Variants in PRKG1 observed in about 807,000 individuals in gnomAD.
PRKG1 encodes the protein protein kinase cGMP-dependent 1.
PRKG1 carries 35 observed loss-of-function variants against 88.1 expected under a neutral mutation model. The observed-to-expected ratio is 0.40, with a 90% confidence interval of 0.30 to 0.53. PRKG1 has a LOEUF of 0.53. Ranked by LOEUF, PRKG1 falls within the 20% of genes least tolerant of loss-of-function variation. PRKG1 has a pLI of 0.59. For missense variants in PRKG1, 540 were observed against 839.8 expected (o/e 0.64, Z 4.41); for synonymous variants, 303 against 292.5 (o/e 1.04, Z -0.37).
intron 2 of PRKG1, among the ~76,000 whole-genome samples, chr10:51,385,149 C>T (rs974364239): frequency 7.2e-5 from 11 of 152,048 alleles, no homozygotes; most frequent in African/African-American, 2.4e-4. Context: ...CCTTGTGAAA[C>T]GGCTTTGGTT....
chr10:51,110,947 T>C (rs908097144), intron 1 of PRKG1, among the ~76,000 whole-genome samples: 16 of 152,132 alleles, frequency 1.1e-4, no homozygotes, highest in African/African-American at 3.9e-4. Flanking sequence ...ACCCTCTAAC[T>C]GTATTTGAAA....
intron 3 of PRKG1, among the ~76,000 whole-genome samples, chr10:51,533,061 G>T (rs1842056414): frequency 6.6e-6 from 1 of 152,134 alleles, no homozygotes; most frequent in African/African-American, 2.4e-5. Context: ...ACCTCAACCT[G>T]TGAGGCTTTC....
rs61849774 is a variant in PRKG1 at position 51,447,419 on chromosome 10, G to A, written c.479-20304G>A. Among the ~76,000 whole-genome samples, 8 of 152,108 alleles carry A rather than the reference G, an allele frequency of 5.3e-5. 1 individual carries two copies. The highest frequency in any genetic ancestry group is 2.0e-4 in the Admixed American group (3 of 15,242). On this transcript the variant is annotated intron_variant, in intron 2 of 17. Transcript: ENST00000373980. The stretch of plus-strand genomic sequence containing the variant: ...TATTAGCAAGATTTAGCATTCTTGC[G>A]AGTTTAGCTCTGACCAGTCTTCAGT...
At chr10:51,905,937 T>G (rs1842076629) in intron 4 of PRKG1, among the ~76,000 whole-genome samples, 1 of 152,184 alleles carries the variant, frequency 6.6e-6, no homozygotes, top group Non-Finnish European at 1.5e-5. Flanking sequence ...TTTGTGGATT[T>G]TTAATTCTAG....
At chr10:51,500,086 TA>T (rs1840977950) in intron 3 of PRKG1, among the ~76,000 whole-genome samples, 1 of 152,256 alleles carries the variant, frequency 6.6e-6, no homozygotes, top group African/African-American at 2.4e-5. Context: ...ATTCAATATT[TA>T]TTTTTTTATT....
intron 5 of PRKG1, among the ~76,000 whole-genome samples, chr10:51,966,318 G>A (rs947444650): frequency 6.6e-6 from 1 of 152,030 alleles, no homozygotes; most frequent in African/African-American, 2.4e-5. Flanking sequence ...GGAACCTTCT[G>A]AGACACCTAA....
chr10:51,528,981 T>A (rs150091185), intron 3 of PRKG1, among the ~76,000 whole-genome samples: 1 of 152,108 alleles, frequency 6.6e-6, no homozygotes, highest in Non-Finnish European at 1.5e-5. Context: ...GGAATTAACA[T>A]GCAAAGGCAG....
chr10:52,282,349 A>G (rs779661450), intron 14 of PRKG1, 33 bp downstream of exon 14: 2 of 1,548,954 alleles, frequency 1.3e-6, no homozygotes, highest in Non-Finnish European at 1.8e-6. Flanking sequence ...GCTGATAAAA[A>G]TAGACCAGCA....
intron 1 of PRKG1, among the ~76,000 whole-genome samples, chr10:51,122,169 T>C (rs762315974): frequency 5.9e-5 from 9 of 152,212 alleles, no homozygotes; most frequent in Admixed American, 4.6e-4. Flanking sequence ...GCTTTAGCCT[T>C]CTTCGGAAGT....
chr10:52,161,895 T>C lies in PRKG1; in HGVS notation c.1008T>C (p.Phe336=), dbSNP rs56047641. Residue 336 remains phenylalanine (F), a synonymous_variant, in exon 9 of 18, where the codon TTT becomes TTC. Transcript: ENST00000373980. ...VTCLVIDRDS[F]KHLIGGLDDV... ...TGCTTTTTTCGTCTGACAGCTCTTT[T>C]AAACATTTGATTGGAGGGCTGGATG... The C allele has an allele frequency of 0.012, 19,421 of 1,612,610 alleles. 1,135 individuals are homozygous for C. In the African/African-American group the frequency reaches 0.16, roughly 13 times the overall value.
At chr10:51,650,733 T>C (rs983842783) in intron 3 of PRKG1, among the ~76,000 whole-genome samples, 1 of 152,202 alleles carries the variant, frequency 6.6e-6, no homozygotes, top group African/African-American at 2.4e-5. Context: ...CTGTATTGAT[T>C]CCTGTTGTCT....
At chr10:51,916,108 C>A (rs1455072260) in intron 5 of PRKG1, among the ~76,000 whole-genome samples, 1 of 152,036 alleles carries the variant, frequency 6.6e-6, no homozygotes, top group Non-Finnish European at 1.5e-5. Context: ...CCAGAGCAAC[C>A]CCATCTTGAG....
At chr10:51,525,145 A>G (rs1841845126) in intron 3 of PRKG1, among the ~76,000 whole-genome samples, 2 of 151,486 alleles carry the variant, frequency 1.3e-5, no homozygotes, top group Admixed American at 1.3e-4. Flanking sequence ...AGAGAGAGAG[A>G]GAGAAGGAGG....
chr10:51,626,438 AAC>A (rs1276964578), intron 3 of PRKG1, among the ~76,000 whole-genome samples: 1 of 152,200 alleles, frequency 6.6e-6, no homozygotes, highest in Non-Finnish European at 1.5e-5. Flanking sequence ...TTGTTAGGGA[AAC>A]ACATTTCTAT....
At chr10:52,122,732 A>C (rs1847848609) in intron 7 of PRKG1, among the ~76,000 whole-genome samples, 1 of 152,208 alleles carries the variant, frequency 6.6e-6, no homozygotes, top group Non-Finnish European at 1.5e-5. Flanking sequence ...AACAAGAAAG[A>C]AACTAGGATT....
chr10:51,842,104 C>G (rs1183974689), intron 4 of PRKG1, among the ~76,000 whole-genome samples: 1 of 152,190 alleles, frequency 6.6e-6, no homozygotes, highest in African/African-American at 2.4e-5. Context: ...TGGATTCCCT[C>G]GCTGGCTAAG....
At chr10:52,157,305 T>TGAGA (rs539108520) in intron 8 of PRKG1, among the ~76,000 whole-genome samples, 8 of 57,196 alleles carry the variant, frequency 1.4e-4, no homozygotes, top group South Asian at 6.5e-4. Context: ...GTGAGTTAGT[T>TGAGA]GATATATATA....
At chr10:52,219,362 A>G (rs905041464) in intron 9 of PRKG1, among the ~76,000 whole-genome samples, 8 of 152,188 alleles carry the variant, frequency 5.3e-5, no homozygotes, top group Admixed American at 5.2e-4. Flanking sequence ...GAGTCCAGTA[A>G]TCCTTTGAGT....
intron 3 of PRKG1, among the ~76,000 whole-genome samples, chr10:51,499,259 A>G (rs1840953583): frequency 6.6e-6 from 1 of 152,274 alleles, no homozygotes; most frequent in East Asian, 1.9e-4. Context: ...GTGCAACTCT[A>G]TGAGTGTAGA....
Sources: gnomAD v4.1 joint callset for allele counts (sites outside exome capture counted in the v4.1 genomes callset) on GRCh38, gnomAD v4.1.1 for gene constraint, MANE v1.5 for transcripts, NCBI Gene and HGNC (gene_info 2026-07-23, HGNC 2026-07-21) for gene names.